Variants in PSEN1 observed in about 807,000 individuals in gnomAD.
PSEN1 encodes presenilin 1.
In PSEN1, 15 loss-of-function variants were observed where a neutral mutation model predicts 53.5. That is an observed-to-expected ratio of 0.28 (90% CI 0.19 to 0.43). PSEN1 has a LOEUF of 0.43. Among genes scored for constraint, PSEN1 ranks in the 20% least tolerant of loss-of-function variants. The pLI is 1.00. For synonymous variants in PSEN1, 208 were observed against 209.8 expected, an observed-to-expected ratio of 0.99 and a Z score of 0.08; for missense variants, 387 against 571.2, an observed-to-expected ratio of 0.68 and a Z score of 3.29.
intron 8 of PSEN1, among the ~76,000 whole-genome samples, chr14:73,202,084 G>T (rs1362555763): frequency 6.6e-6 from 1 of 151,806 alleles, no homozygotes; most frequent in Non-Finnish European, 1.5e-5. Flanking sequence ...TTGCTCTGTT[G>T]CCCAGGCTGG....
At chr14:73,158,711 C>CT (rs1298411185) in intron 3 of PSEN1, among the ~76,000 whole-genome samples, 3 of 152,180 alleles carry the variant, frequency 2.0e-5, no homozygotes, top group Non-Finnish European at 2.9e-5. Flanking sequence ...ATCCTCCCGC[C>CT]TTGGCTTCCC....
chr14:73,181,357 G>A (rs1455117896), intron 5 of PSEN1, among the ~76,000 whole-genome samples: 4 of 152,176 alleles, frequency 2.6e-5, no homozygotes, highest in Non-Finnish European at 4.4e-5. Flanking sequence ...CAGGAGAATC[G>A]CTTGAATCTG....
At chr14:73,166,459 A>C (rs1897721323) in intron 3 of PSEN1, among the ~76,000 whole-genome samples, 1 of 152,248 alleles carries the variant, frequency 6.6e-6, no homozygotes. Context: ...AAAAGAATAA[A>C]TGAGATAATG....
Position 73,219,357 on chromosome 14 carries a change from G to A in PSEN1, c.*68G>A. ...ATAACAAAATCTGGGGAGGACAAAG[G>A]TGATTTTCCTGTGTCCACATCTAAC... is the stretch of plus-strand genomic sequence containing the variant. On this transcript the variant is annotated 3_prime_UTR_variant, in exon 12 of 12. Transcript: ENST00000324501. 2 of 1,504,742 alleles carry A rather than the reference G, an allele frequency of 1.3e-6. No individual in the cohort carries two copies. Among genetic ancestry groups the A allele is most frequent in the Non-Finnish European group, 9.2e-7 (1 of 1,085,986 alleles). The allele number at this position is 1,504,742 out of a possible 1,614,324, so 93.2% of individuals were successfully genotyped here.
At chr14:73,149,143 G>A (rs1897150015) in intron 3 of PSEN1, among the ~76,000 whole-genome samples, 1 of 152,046 alleles carries the variant, frequency 6.6e-6, no homozygotes, top group South Asian at 2.1e-4. Context: ...GCAGAGCTAG[G>A]AACAGTGGTG....
At chr14:73,150,764 C>CAA (rs35747435) in intron 3 of PSEN1, among the ~76,000 whole-genome samples, 2 of 35,936 alleles carry the variant, frequency 5.6e-5, no homozygotes, top group East Asian at 9.3e-4. Flanking sequence ...GACTCTGTCT[C>CAA]AAAAAAAAAA....
At chr14:73,203,471 G>T (rs1052781463) in intron 8 of PSEN1, among the ~76,000 whole-genome samples, 1 of 152,020 alleles carries the variant, frequency 6.6e-6, no homozygotes, top group African/African-American at 2.4e-5. Context: ...AAACCACAAC[G>T]CAATGCCGAT....
intron 3 of PSEN1, among the ~76,000 whole-genome samples, chr14:73,155,128 C>T (rs1371321241): frequency 6.6e-6 from 1 of 152,182 alleles, no homozygotes; most frequent in South Asian, 2.1e-4. Context: ...TTATTTATAA[C>T]AGTGAGAATG....
chr14:73,192,515 T>C (rs1364154701), intron 6 of PSEN1, 129 bp from the exon 7 acceptor site: 1 of 723,230 alleles, frequency 1.4e-6, no homozygotes, highest in African/African-American at 1.8e-5. Flanking sequence ...GCACAGTTGA[T>C]ATAGGTTATG....
At chr14:73,194,863 C>T (rs537372871) in intron 7 of PSEN1, among the ~76,000 whole-genome samples, 5 of 151,550 alleles carry the variant, frequency 3.3e-5, no homozygotes, top group East Asian at 3.9e-4. Context: ...CCACCGTGCC[C>T]GGCCTGGCCA....
At chr14:73,206,852 A>G (rs1260474624) in intron 9 of PSEN1, among the ~76,000 whole-genome samples, 1 of 152,236 alleles carries the variant, frequency 6.6e-6, no homozygotes, top group Admixed American at 6.5e-5. Flanking sequence ...AAAAAGAAAC[A>G]GACAATAAAG....
chr14:73,186,776 CA>C, intron 5 of PSEN1, 76 bp from the exon 6 acceptor site: 1 of 1,299,454 alleles, frequency 7.7e-7, no homozygotes, highest in South Asian at 1.2e-5. Context: ...GACCCTGTCT[CA>C]AAAAAGAAAA....
At chr14:73,162,131 A>T (rs1033306436) in intron 3 of PSEN1, among the ~76,000 whole-genome samples, 1 of 151,216 alleles carries the variant, frequency 6.6e-6, no homozygotes, top group Non-Finnish European at 1.5e-5. Flanking sequence ...GTGAGCCAAG[A>T]TTGCGCCACT....
intron 6 of PSEN1, among the ~76,000 whole-genome samples, chr14:73,190,164 G>T (rs1022474377): frequency 2.0e-5 from 3 of 152,210 alleles, no homozygotes; most frequent in African/African-American, 7.2e-5. Context: ...ACAGCTTAGA[G>T]GGGTAAAAAA....
intron 3 of PSEN1, among the ~76,000 whole-genome samples, chr14:73,165,147 G>T (rs1897670879): frequency 6.6e-6 from 1 of 151,938 alleles, no homozygotes; most frequent in Non-Finnish European, 1.5e-5. Flanking sequence ...ATAGAGACAG[G>T]GTTTCACCAT....
intron 10 of PSEN1, among the ~76,000 whole-genome samples, chr14:73,215,723 A>G (rs1899886594): frequency 2.0e-5 from 3 of 152,174 alleles, no homozygotes; most frequent in Admixed American, 2.0e-4. Flanking sequence ...AGAGATATAT[A>G]ATGGCTAAAA....
intron 7 of PSEN1, among the ~76,000 whole-genome samples, chr14:73,194,463 G>A (rs766649827): frequency 6.6e-6 from 1 of 151,070 alleles, no homozygotes; most frequent in African/African-American, 2.4e-5. Flanking sequence ...ATCTCACTGT[G>A]TTTCCCAGGC....
At chr14:73,210,662 C>G (rs1176379206) in intron 9 of PSEN1, among the ~76,000 whole-genome samples, 1 of 151,978 alleles carries the variant, frequency 6.6e-6, no homozygotes, top group Non-Finnish European at 1.5e-5. Flanking sequence ...AAACTCCAAA[C>G]CAGAGAAGAT....
Position 73,147,995 on chromosome 14 carries a change from A to G in PSEN1, c.-25A>G. 1 of 1,580,812 alleles carries G rather than the reference A, an allele frequency of 6.3e-7. No individual in the cohort carries two copies. Among genetic ancestry groups the G allele is most frequent in the Non-Finnish European group, 8.7e-7 (1 of 1,149,654 alleles). On this transcript the variant is annotated 5_prime_UTR_variant, in exon 3 of 12. Coordinates refer to ENST00000324501, the MANE Select transcript of PSEN1 (RefSeq NM_000021.4). ...CTCAAGAGGCTTTGTTTTCTGTGAA[A>G]CAGTATTTCTATACAGTTGCTCCAA...
Sources: gnomAD v4.1 joint callset for allele counts (sites outside exome capture counted in the v4.1 genomes callset) on GRCh38, gnomAD v4.1.1 for gene constraint, MANE v1.5 for transcripts, NCBI Gene and HGNC (gene_info 2026-07-23, HGNC 2026-07-21) for gene names.